SLC16A1: variants seen among roughly 807,000 people sequenced by gnomAD.
SLC16A1 encodes the protein monocarboxylate transporter 1.
A neutral mutation model predicts 32.2 loss-of-function variants in SLC16A1; 11 were observed. The observed-to-expected ratio is 0.34, with a 90% CI of 0.21 to 0.56. The LOEUF is 0.56. Ranked by LOEUF, SLC16A1 falls within the 20% of genes least tolerant of loss-of-function variation. SLC16A1 has a pLI of 0.87. For synonymous variants in SLC16A1, 231 were observed against 226.8 expected, an observed-to-expected ratio of 1.02 and a Z score of -0.17; for missense variants, 435 against 615.0, an observed-to-expected ratio of 0.71 and a Z score of 3.10.
intron 1 of SLC16A1, among the ~76,000 whole-genome samples, chr1:112,930,367 G>C (rs977989186): frequency 2.0e-5 from 3 of 151,974 alleles, no homozygotes. Flanking sequence ...GTAGTGTTTT[G>C]TGATGTGCTG....
At chr1:112,923,444 T>A (rs1029751843) in intron 2 of SLC16A1, 24 of 705,656 alleles carry the variant, frequency 3.4e-5, no homozygotes, top group Middle Eastern at 6.9e-4. Context: ...CTCCACGGTG[T>A]TGGGTGCCAT....
chr1:112,939,719 G>A (rs868284840), intron 1 of SLC16A1, among the ~76,000 whole-genome samples: 17 of 152,010 alleles, frequency 1.1e-4, no homozygotes, highest in Middle Eastern at 3.2e-3. Context: ...TGGCCAGGCT[G>A]GTCTTGAACT....
At chr1:112,928,225 G>A (rs1423957099) in intron 2 of SLC16A1, among the ~76,000 whole-genome samples, 2 of 152,126 alleles carry the variant, frequency 1.3e-5, no homozygotes, top group African/African-American at 2.4e-5. Flanking sequence ...TCTTCTGGAC[G>A]ATTTAATTAC....
chr1:112,938,819 T>A (rs982363537), intron 1 of SLC16A1, among the ~76,000 whole-genome samples: 7 of 152,124 alleles, frequency 4.6e-5, no homozygotes, highest in Non-Finnish European at 8.8e-5. Context: ...TTTTAGTTAA[T>A]AATTTACAGT....
In SLC16A1 at chr1:112,922,217, T is replaced by C. The variant is rs944880161; in HGVS notation, c.218-84A>G. The C allele has an allele frequency of 6.1e-6, 8 of 1,309,588 alleles. No individual in the cohort carries two copies. In the Admixed American group the frequency reaches 1.1e-4, roughly 17 times the overall value. 81.1% of individuals were successfully genotyped at this position (1,309,588 alleles called of 1,614,324 possible). On this transcript the variant is annotated intron_variant, in intron 2 of 4. Coordinates refer to ENST00000369626, the MANE Select transcript of SLC16A1 (RefSeq NM_003051.4). Reference sequence around the variant, plus strand: ...AGTATGAATGACAATGAATGACAAATCCTCCAAAATAAACAAGCAGCAATG... The same window carrying C: ...AGTATGAATGACAATGAATGACAAACCCTCCAAAATAAACAAGCAGCAATG...
intron 1 of SLC16A1, among the ~76,000 whole-genome samples, chr1:112,946,715 A>G (rs964496073): frequency 1.3e-5 from 2 of 152,028 alleles, no homozygotes; most frequent in Non-Finnish European, 2.9e-5. Context: ...CACCACGCCC[A>G]GCTATTTTTT....
intron 4 of SLC16A1, among the ~76,000 whole-genome samples, chr1:112,914,605 T>C (rs970741747): frequency 2.0e-5 from 3 of 152,234 alleles, no homozygotes; most frequent in Admixed American, 1.3e-4. Flanking sequence ...GTGCTAAAAA[T>C]TTAAAAGCAA....
At chr1:112,931,870 T>C (rs1649143290) in intron 1 of SLC16A1, among the ~76,000 whole-genome samples, 1 of 152,074 alleles carries the variant, frequency 6.6e-6, no homozygotes, top group Admixed American at 6.6e-5. Context: ...TTCCACCCTA[T>C]ATTACAACTT....
At position 112,941,278 on chromosome 1, in the gene SLC16A1, C is replaced by CT. The variant is rs11362773; in HGVS notation, c.-44-11927dup. ...TTATCCCCTATAGACCTCTTCACAC[C>CT]TTTTTTTTTTTTTTTTTTTTGAGAC... On this transcript the variant is annotated intron_variant, in intron 1 of 4. Transcript: ENST00000369626. Among the ~76,000 whole-genome samples, 402 of 111,540 alleles carry CT rather than the reference C, an allele frequency of 3.6e-3. 3 individuals carry two copies. The highest frequency in any genetic ancestry group is 0.013 in the South Asian group (47 of 3,604). 73.2% of individuals were successfully genotyped at this position (111,540 alleles called of 152,430 possible).
chr1:112,916,014 T>C (rs1215363351), intron 4 of SLC16A1, among the ~76,000 whole-genome samples: 1 of 152,218 alleles, frequency 6.6e-6, no homozygotes, highest in African/African-American at 2.4e-5. Flanking sequence ...ATTTCACCTT[T>C]TGAAGCCTCT....
intron 1 of SLC16A1, among the ~76,000 whole-genome samples, chr1:112,943,692 G>A (rs1019940922): frequency 6.6e-6 from 1 of 151,244 alleles, no homozygotes; most frequent in Non-Finnish European, 1.5e-5. Flanking sequence ...GGAGGCTGAG[G>A]CAGGAGAATC....
At chr1:112,918,918 G>A (rs1341901624) in intron 3 of SLC16A1, among the ~76,000 whole-genome samples, 1 of 152,092 alleles carries the variant, frequency 6.6e-6, no homozygotes, top group Non-Finnish European at 1.5e-5. Context: ...TTTCCTGAGA[G>A]ATCAGAGAAT....
intron 4 of SLC16A1, among the ~76,000 whole-genome samples, chr1:112,915,604 T>C (rs565412757): frequency 1.1e-4 from 17 of 152,286 alleles, no homozygotes; most frequent in African/African-American, 3.6e-4. Context: ...GAAGAACAGC[T>C]AGAACTGATA....
chr1:112,929,228 G>A lies in SLC16A1; in HGVS notation c.81C>T (p.Phe27=). The change falls in exon 2 of 5, where the codon TTC becomes TTT. Residue 27 remains phenylalanine, a synonymous_variant. Coordinates refer to ENST00000369626, the MANE Select transcript of SLC16A1 (RefSeq NM_003051.4). ...GWGWAVVIGA[F]ISIGFSYAFP... is the part of the protein sequence containing the mutation. ...ATGCATAAGAGAAGCCGATGGAAAT[G>A]AAAGCTCCAATTACCACTGCCCAGC... The A allele has an allele frequency of 6.2e-7, 1 of 1,614,130 alleles. No individual in the cohort carries two copies. The highest frequency in any genetic ancestry group is 8.5e-7 in the Non-Finnish European group (1 of 1,180,012).
chr1:112,932,962 TATATTA>T (rs1432464760), intron 1 of SLC16A1, among the ~76,000 whole-genome samples: 1 of 152,156 alleles, frequency 6.6e-6, no homozygotes, highest in African/African-American at 2.4e-5. Context: ...TGTATTTCTA[TATATTA>T]ACAATGAACA....
At chr1:112,925,889 C>G (rs577719102) in intron 2 of SLC16A1, among the ~76,000 whole-genome samples, 3 of 152,122 alleles carry the variant, frequency 2.0e-5, no homozygotes, top group Non-Finnish European at 2.9e-5. Context: ...TACTTATAGT[C>G]TAGTTTTACT....
intron 2 of SLC16A1, chr1:112,924,191 C>T (rs993276408): frequency 9.2e-5 from 139 of 1,511,056 alleles, no homozygotes; most frequent in Middle Eastern, 1.9e-4. Flanking sequence ...AGGGTGCCCA[C>T]GGGGACGCAG....
chr1:112,915,646 A>G (rs1648477148), intron 4 of SLC16A1, among the ~76,000 whole-genome samples: 1 of 152,200 alleles, frequency 6.6e-6, no homozygotes, highest in South Asian at 2.1e-4. Context: ...TACAGTTAGG[A>G]GCAGCCCAAA....
At chr1:112,923,926 G>A (rs1648833007) in intron 2 of SLC16A1, 1 of 1,520,180 alleles carries the variant, frequency 6.6e-7, no homozygotes, top group Non-Finnish European at 9.1e-7. Context: ...TCTGGACTGA[G>A]GTTCTATGCC....
Sources: allele counts gnomAD v4.1 joint callset (sites outside exome capture counted in the v4.1 genomes callset), GRCh38; gene constraint gnomAD v4.1.1; transcripts MANE v1.5; gene names NCBI Gene and HGNC (gene_info 2026-07-23, HGNC 2026-07-21).